The following NSMCE2 variants were observed in gnomAD, a reference collection of about 807,000 sequenced individuals.
The protein encoded by NSMCE2 is NSE2 SUMO ligase component of SMC5/6 complex, also known as E3 SUMO-protein ligase NSE2.
NSMCE2 carries 24 observed loss-of-function variants against 23.8 expected under a neutral mutation model. The ratio of observed to expected loss-of-function variants is 1.01; its 90% CI spans 0.73 to 1.42. NSMCE2 has a LOEUF of 1.42. NSMCE2 is among the 40% of genes most tolerant of loss of function. The pLI is 0.00. For synonymous variants in NSMCE2, 92 were observed against 94.1 expected (o/e 0.98, Z 0.13); for missense variants, 284 against 296.5 (o/e 0.96, Z 0.31).
At chr8:125,095,194 T>G (rs1413394247) in intron 1 of NSMCE2, among the ~76,000 whole-genome samples, 8 of 152,210 alleles carry the variant, frequency 5.3e-5, no homozygotes, top group Admixed American at 5.2e-4. Context: ...CCTATCATAT[T>G]GGACAGTGCA....
intron 3 of NSMCE2, among the ~76,000 whole-genome samples, chr8:125,108,322 A>G (rs1198006506): frequency 1.3e-5 from 2 of 152,224 alleles, no homozygotes; most frequent in Non-Finnish European, 2.9e-5. Flanking sequence ...GGTGCTGTCC[A>G]AGGACCCAGA....
chr8:125,145,448 A>G (rs573606787), intron 3 of NSMCE2, among the ~76,000 whole-genome samples: 2 of 152,308 alleles, frequency 1.3e-5, no homozygotes, highest in East Asian at 1.9e-4. Context: ...TAATTGACGT[A>G]TCAGGTGACA....
chr8:125,106,372 A>G (rs1004936393), intron 3 of NSMCE2, among the ~76,000 whole-genome samples: 3 of 152,096 alleles, frequency 2.0e-5, no homozygotes, highest in Non-Finnish European at 2.9e-5. Flanking sequence ...CAAAGTTCTA[A>G]TTTTTTCTTT....
intron 3 of NSMCE2, among the ~76,000 whole-genome samples, chr8:125,126,706 A>C (rs1819535479): frequency 6.6e-6 from 1 of 152,174 alleles, no homozygotes; most frequent in African/African-American, 2.4e-5. Context: ...GCTAGGTTCA[A>C]ACACAGCTCT....
In NSMCE2 at chr8:125,228,991, G is replaced by A. The variant is rs147559661; in HGVS notation, c.418+46735G>A. On this transcript the variant is annotated intron_variant, in intron 5 of 7. Transcript: ENST00000287437. ...TATACCAGATTGAGGTAAGATGATA[G>A]CCTTGAAAACTGTTAGGGTGTTGGG... Among the ~76,000 whole-genome samples the A allele has an allele frequency of 1.2e-4, 19 of 152,322 alleles. No homozygotes were observed. The East Asian group carries it at 3.1e-3, about 25-fold the overall frequency.
intron 1 of NSMCE2, among the ~76,000 whole-genome samples, chr8:125,093,839 C>T (rs974726957): frequency 1.3e-5 from 2 of 152,306 alleles, no homozygotes; most frequent in African/African-American, 4.8e-5. Flanking sequence ...TCTTATCGTC[C>T]AGGCTAGAAT....
At chr8:125,284,825 G>A (rs929315949) in intron 5 of NSMCE2, among the ~76,000 whole-genome samples, 1 of 152,182 alleles carries the variant, frequency 6.6e-6, no homozygotes, top group African/African-American at 2.4e-5. Flanking sequence ...TCAAAACAGT[G>A]AAAACCCTGT....
At chr8:125,311,498 G>A (rs1459943680) in intron 5 of NSMCE2, among the ~76,000 whole-genome samples, 1 of 152,216 alleles carries the variant, frequency 6.6e-6, no homozygotes, top group Admixed American at 6.5e-5. Flanking sequence ...TGATAAAATT[G>A]TCAGCGTGAG....
chr8:125,210,133 A>G (rs1026497820), intron 5 of NSMCE2, among the ~76,000 whole-genome samples: 3 of 152,192 alleles, frequency 2.0e-5, no homozygotes, highest in African/African-American at 7.2e-5. Flanking sequence ...AAACCTCTCT[A>G]TACCTCAGTT....
At chr8:125,148,555 A>G (rs142814371) in intron 3 of NSMCE2, among the ~76,000 whole-genome samples, 4 of 152,274 alleles carry the variant, frequency 2.6e-5, no homozygotes, top group Non-Finnish European at 5.9e-5. Flanking sequence ...TGCTCCCAAC[A>G]GATACTTTAG....
chr8:125,266,699 T>C (rs1267894183), intron 5 of NSMCE2, among the ~76,000 whole-genome samples: 1 of 152,140 alleles, frequency 6.6e-6, no homozygotes, highest in African/African-American at 2.4e-5. Flanking sequence ...AGTATACCTG[T>C]TGGGGATGAA....
chr8:125,293,818 A>G lies in NSMCE2; in HGVS notation c.419-63401A>G, dbSNP rs1828213722. Among the ~76,000 whole-genome samples, 10 of 152,246 alleles carry G rather than the reference A, an allele frequency of 6.6e-5. 1 individual carries two copies. The highest frequency in any genetic ancestry group is 6.5e-4 in the Admixed American group (10 of 15,284). ...ACAGTTTTATTAAGATGTAATATACATACCATACAACTCACCTACTTAAAG... is the reference window on the plus strand; with the variant it reads ...ACAGTTTTATTAAGATGTAATATACGTACCATACAACTCACCTACTTAAAG... On this transcript the variant is annotated intron_variant, in intron 5 of 7. Transcript: ENST00000287437.
At position 125,210,274 on chromosome 8, in the gene NSMCE2, A is replaced by G. The variant is rs187192368; in HGVS notation, c.418+28018A>G. ...ACACAGTAAATGTTATGTGTTAGCT[A>G]TTCATTACTGTCATTATTACTACAT... On this transcript the variant is annotated intron_variant, in intron 5 of 7. Transcript: ENST00000287437. Among the ~76,000 whole-genome samples the G allele has an allele frequency of 3.9e-3, 597 of 152,336 alleles. 1 individual carries two copies. The highest frequency in any genetic ancestry group is 7.1e-3 in the Non-Finnish European group (481 of 68,026).
chr8:125,267,092 C>T (rs1826952514), intron 5 of NSMCE2, among the ~76,000 whole-genome samples: 1 of 141,344 alleles, frequency 7.1e-6, no homozygotes, highest in Non-Finnish European at 1.5e-5. Context: ...GCAACCTGTA[C>T]CTCCTGGGTT....
chr8:125,295,907 G>T (rs1828303773), intron 5 of NSMCE2, among the ~76,000 whole-genome samples: 1 of 151,994 alleles, frequency 6.6e-6, no homozygotes, highest in Non-Finnish European at 1.5e-5. Flanking sequence ...AATAACCGTT[G>T]CCCCTACTGA....
At chr8:125,231,152 C>G (rs1384460487) in intron 5 of NSMCE2, among the ~76,000 whole-genome samples, 2 of 152,108 alleles carry the variant, frequency 1.3e-5, no homozygotes, top group Non-Finnish European at 2.9e-5. Context: ...ACCTTACAGT[C>G]CTAGAAAGAA....
intron 3 of NSMCE2, among the ~76,000 whole-genome samples, chr8:125,103,936 G>A (rs1226085148): frequency 2.0e-5 from 3 of 147,866 alleles, no homozygotes; most frequent in Non-Finnish European, 4.5e-5. Context: ...ATCCTTGTAT[G>A]TTAATTCTGT....
At chr8:125,144,854 T>C (rs144307933) in intron 3 of NSMCE2, among the ~76,000 whole-genome samples, 1,938 of 152,302 alleles carry the variant, frequency 0.013, 35 homozygotes, top group African/African-American at 0.045. Context: ...ATCATATAAC[T>C]TTAATGCCTA....
intron 4 of NSMCE2, among the ~76,000 whole-genome samples, chr8:125,172,330 C>CTT (rs1389328221): frequency 2.0e-5 from 3 of 152,186 alleles, no homozygotes; most frequent in African/African-American, 7.2e-5. Flanking sequence ...AGTGCAATAT[C>CTT]ACTCCTAAAG....
Sources: gnomAD v4.1 joint callset for allele counts (sites outside exome capture counted in the v4.1 genomes callset) on GRCh38, gnomAD v4.1.1 for gene constraint, MANE v1.5 for transcripts, NCBI Gene and HGNC (gene_info 2026-07-23, HGNC 2026-07-21) for gene names.